GPR149: variants seen among roughly 807,000 people sequenced by gnomAD.
The protein encoded by GPR149 is probable G protein-coupled receptor 149.
Under a neutral mutation model 50.2 loss-of-function variants are expected in GPR149, and 50 were observed. The observed-to-expected ratio is 1.00, with a 90% confidence interval of 0.79 to 1.26. The LOEUF is 1.26. Among genes scored for constraint, GPR149 ranks in the 50% most tolerant of loss-of-function variants. The pLI is 0.00. For missense variants in GPR149, 983 were observed against 895.4 expected (o/e 1.10, Z -1.25); for synonymous variants, 405 against 358.2 (o/e 1.13, Z -1.48).
At chr3:154,386,422 A>T (rs2108409501) in intron 3 of GPR149, among the ~76,000 whole-genome samples, 1 of 152,376 alleles carries the variant, frequency 6.6e-6, no homozygotes, top group East Asian at 1.9e-4. Flanking sequence ...TGTCAAGGGC[A>T]TACTCTGTTG....
intron 3 of GPR149, among the ~76,000 whole-genome samples, chr3:154,412,856 G>A (rs1711879197): frequency 6.6e-6 from 1 of 152,002 alleles, no homozygotes; most frequent in Non-Finnish European, 1.5e-5. Context: ...GCAAGACTAA[G>A]CAAAGAGAAC....
chr3:154,403,983 A>G (rs1711611887), intron 3 of GPR149, among the ~76,000 whole-genome samples: 1 of 152,212 alleles, frequency 6.6e-6, no homozygotes, highest in African/African-American at 2.4e-5. Context: ...TAATTTATTT[A>G]GATGTAAACA....
At chr3:154,363,039 A>T (rs1160871021) in intron 3 of GPR149, among the ~76,000 whole-genome samples, 1 of 152,178 alleles carries the variant, frequency 6.6e-6, no homozygotes, top group East Asian at 1.9e-4. Context: ...TCTTGTAGAA[A>T]GAAAGAGCAT....
chr3:154,419,799 G>A (rs1352969754), intron 3 of GPR149, among the ~76,000 whole-genome samples: 1 of 152,016 alleles, frequency 6.6e-6, no homozygotes, highest in Non-Finnish European at 1.5e-5. Context: ...AATTGGCGAT[G>A]AAAGTGTTGG....
At chr3:154,366,708 A>G (rs1299507856) in intron 3 of GPR149, among the ~76,000 whole-genome samples, 1 of 152,196 alleles carries the variant, frequency 6.6e-6, no homozygotes, top group Admixed American at 6.5e-5. Flanking sequence ...CCTATGACCT[A>G]TAAGCCCTGG....
At chr3:154,426,875 T>C (rs936226200) in intron 2 of GPR149, among the ~76,000 whole-genome samples, 1 of 7,412 alleles carries the variant, frequency 1.3e-4, no homozygotes, top group African/African-American at 4.1e-4. Context: ...CCAGGGCGTG[T>C]GTGTGTGTGT....
At chr3:154,352,613 C>T (rs1434517250) in intron 3 of GPR149, 1 of 777,508 alleles carries the variant, frequency 1.3e-6, no homozygotes, top group African/African-American at 1.7e-5. Flanking sequence ...GACTGTGGTT[C>T]AAAACTTGAT....
intron 3 of GPR149, among the ~76,000 whole-genome samples, chr3:154,367,559 T>C (rs1279059318): frequency 6.6e-6 from 1 of 152,206 alleles, no homozygotes; most frequent in Non-Finnish European, 1.5e-5. Context: ...TGTTTCTTGC[T>C]CTGGTAACAT....
In GPR149 at chr3:154,421,262, T is replaced by C; in HGVS notation, c.1400A>G (p.Gln467Arg). 1 of 1,613,486 alleles carries C rather than the reference T, an allele frequency of 6.2e-7. No individual in the cohort carries two copies. The highest frequency in any genetic ancestry group is 8.5e-7 in the Non-Finnish European group (1 of 1,179,556). Residue 467 changes from glutamine to arginine, a missense_variant, in exon 3 of 4, where the codon CAA (glutamine) becomes CGA (arginine). Gln to Arg is a conservative substitution (Grantham distance 43). Transcript: ENST00000389740. ...ATTTGTGCATTTGTTGATGCCTCTTTGTGTGGAGCTGTCCAGAGAGGGCGT... is the reference window on the plus strand; with the variant it reads ...ATTTGTGCATTTGTTGATGCCTCTTCGTGTGGAGCTGTCCAGAGAGGGCGT... Reference protein sequence around the residue: ...STTPSLDSSTQRGINKCTNTD... With the variant: ...STTPSLDSSTRRGINKCTNTD...
intron 3 of GPR149, among the ~76,000 whole-genome samples, chr3:154,404,082 T>C (rs1397071924): frequency 6.6e-6 from 1 of 152,242 alleles, no homozygotes. Flanking sequence ...AAGGCATGGA[T>C]ATATTTAACT....
chr3:154,383,640 T>C (rs1367666045), intron 3 of GPR149, among the ~76,000 whole-genome samples: 1 of 152,150 alleles, frequency 6.6e-6, no homozygotes, highest in Non-Finnish European at 1.5e-5. Flanking sequence ...TGTTTAGAGT[T>C]CATGGGCATA....
intron 3 of GPR149, among the ~76,000 whole-genome samples, chr3:154,359,707 CTCT>C (rs1489183730): frequency 6.6e-6 from 1 of 152,182 alleles, no homozygotes; most frequent in Non-Finnish European, 1.5e-5. Context: ...TCTTCAAGTC[CTCT>C]TCTTCTCCAG....
rs375909610 is a variant in GPR149, at chr3:154,354,012, A to AT, written c.1624-15742dup. The AT allele has an allele frequency of 5.2e-3, 2,228 of 426,872 alleles. 1 individual carries two copies. The highest frequency in any genetic ancestry group is 7.4e-3 in the South Asian group (329 of 44,458). The allele number at this position is 426,872 out of a possible 1,614,324, so 26.4% of individuals were successfully genotyped here. On this transcript the variant is annotated intron_variant, in intron 3 of 3. Transcript: ENST00000389740. ...CTATCTAAGGATGATACTTGCTTTG[A>AT]TTTTTTTTTTCATATTCATCAATAT...
chr3:154,421,438 C>A lies in GPR149; in HGVS notation c.1224G>T (p.Gly408=), dbSNP rs1488637715. ...AATCTTCATGTGCTATTTTATAAATCCCATAACTTTTTTGGAATGATAGAT... is the reference window on the plus strand; with the variant it reads ...AATCTTCATGTGCTATTTTATAAATACCATAACTTTTTTGGAATGATAGAT... The part of the protein sequence containing the change: ...EFNLSFQKSY[G]IYKIAHEDYY... The change falls in exon 3 of 4, where the codon GGG becomes GGT. Residue 408 remains glycine (G), a synonymous_variant. Transcript: ENST00000389740. 2 of 1,598,492 alleles carry A rather than the reference C, an allele frequency of 1.3e-6. No homozygotes were observed. The highest frequency in any genetic ancestry group is 1.7e-6 in the Non-Finnish European group (2 of 1,173,482).
intron 3 of GPR149, among the ~76,000 whole-genome samples, chr3:154,417,458 A>G (rs1261686739): frequency 6.6e-6 from 1 of 151,982 alleles, no homozygotes; most frequent in Non-Finnish European, 1.5e-5. Context: ...GTTAACATAA[A>G]CTTTAATTAA....
chr3:154,375,842 C>A (rs1714782084), intron 3 of GPR149, among the ~76,000 whole-genome samples: 1 of 152,132 alleles, frequency 6.6e-6, no homozygotes, highest in African/African-American at 2.4e-5. Context: ...CACTGAGGGC[C>A]TAAATAGAAC....
chr3:154,383,924 C>T (rs935623215), intron 3 of GPR149, among the ~76,000 whole-genome samples: 4 of 152,118 alleles, frequency 2.6e-5, no homozygotes, highest in African/African-American at 9.7e-5. Context: ...AAAAAGCAGA[C>T]CTTTACCAGA....
intron 3 of GPR149, among the ~76,000 whole-genome samples, chr3:154,344,501 C>A (rs921833348): frequency 1.3e-5 from 2 of 151,968 alleles, no homozygotes; most frequent in Non-Finnish European, 2.9e-5. Context: ...AATTCGTGTC[C>A]CCCTGTAAAC....
At chr3:154,402,415 C>CAAATAAATAAAT (rs34746134) in intron 3 of GPR149, among the ~76,000 whole-genome samples, 42,019 of 140,496 alleles carry the variant, frequency 0.3, 6,724 homozygotes, top group Non-Finnish European at 0.35. Context: ...GACCCTGTCT[C>CAAATAAATAAAT]AAATAAATAA....
Sources: gnomAD v4.1 joint callset for allele counts (sites outside exome capture counted in the v4.1 genomes callset) on GRCh38, gnomAD v4.1.1 for gene constraint, MANE v1.5 for transcripts, NCBI Gene and HGNC (gene_info 2026-07-23, HGNC 2026-07-21) for gene names.